The following SCAF4 variants were observed in gnomAD, a reference collection of about 807,000 sequenced individuals.
The protein encoded by SCAF4 is SR-related CTD associated factor 4, also known as SR-related and CTD-associated factor 4.
A neutral mutation model predicts 129.8 loss-of-function variants in SCAF4; 25 were observed. That is an observed-to-expected ratio of 0.19 (90% confidence interval 0.14 to 0.27). SCAF4 has a LOEUF of 0.27. SCAF4 is among the 10% of genes least tolerant of loss of function. SCAF4 has a pLI of 1.00. For synonymous variants in SCAF4, 551 were observed against 497.7 expected, an observed-to-expected ratio of 1.11 and a Z score of -1.43; for missense variants, 1,246 against 1,457.1, an observed-to-expected ratio of 0.86 and a Z score of 2.36.
intron 19 of SCAF4, chr21:31,684,635 T>C (rs2123496325): frequency 6.1e-6 from 1 of 163,338 alleles, no homozygotes; most frequent in East Asian, 1.8e-4. Flanking sequence ...AGATAATAAT[T>C]GGTCCAGACA....
chr21:31,685,834 C>A, intron 16 of SCAF4, 101 bp from the exon 17 acceptor site: 1 of 1,184,346 alleles, frequency 8.4e-7, no homozygotes, highest in Non-Finnish European at 1.2e-6. Context: ...ATAGATGTTT[C>A]TTAATTTGTG....
chr21:31,727,498 T>C (rs1032226613), intron 1 of SCAF4, among the ~76,000 whole-genome samples: 5 of 152,064 alleles, frequency 3.3e-5, no homozygotes, highest in African/African-American at 7.2e-5. Flanking sequence ...ATCAATGGGT[T>C]AAAAAACACA....
intron 19 of SCAF4, chr21:31,684,071 T>C (rs891770032): frequency 1.3e-5 from 2 of 153,590 alleles, no homozygotes; most frequent in Non-Finnish European, 2.9e-5. Context: ...CTGAATAGCA[T>C]AGGTGAAAAG....
chr21:31,731,600 G>T (rs1568874859), intron 1 of SCAF4, 63 bp downstream of exon 1: 5 of 1,556,208 alleles, frequency 3.2e-6, no homozygotes, highest in Non-Finnish European at 3.5e-6. Context: ...CTCCGGCGGC[G>T]GGAGAAACGA....
intron 1 of SCAF4, among the ~76,000 whole-genome samples, chr21:31,711,291 A>T (rs1175614882): frequency 6.6e-6 from 1 of 152,224 alleles, no homozygotes; most frequent in Non-Finnish European, 1.5e-5. Context: ...TATTTTATTG[A>T]CTTATTTAAT....
chr21:31,728,896 T>G (rs922754296), intron 1 of SCAF4, among the ~76,000 whole-genome samples: 2 of 152,196 alleles, frequency 1.3e-5, no homozygotes, highest in African/African-American at 4.8e-5. Context: ...TGATGACTTG[T>G]GATAAGGGTA....
chr21:31,713,626 G>A (rs2050856315), intron 1 of SCAF4, among the ~76,000 whole-genome samples: 1 of 151,384 alleles, frequency 6.6e-6, no homozygotes, highest in Non-Finnish European at 1.5e-5. Flanking sequence ...ACAGCCCAGG[G>A]AAAAATTATT....
Position 31,671,683 on chromosome 21 carries a change from T to C in SCAF4, c.3160A>G (p.Ser1054Gly), listed in dbSNP as rs757252416. 1 of 1,613,932 alleles carries C rather than the reference T, an allele frequency of 6.2e-7. No homozygotes were observed. The highest frequency in any genetic ancestry group is 2.2e-5 in the East Asian group (1 of 44,874). The change falls in exon 20 of 20, where the codon AGT (serine) becomes GGT (glycine). Residue 1054 changes from serine to glycine, a missense_variant. Transcript: ENST00000286835. ...TCTCTCTCTCTGTCTCGATGCCCAC[T>C]AGAGCGTCTATTTCTCTCTTCCAAG... is the stretch of plus-strand genomic sequence containing the variant. ...RDLEERNRRS[S>G]GHRDRERDSR... is the part of the protein sequence containing the mutation.
rs2050237991 is a variant in SCAF4, at chr21:31,690,661, ATGGAGATAC to A, written c.1885+127_1885+135del. On this transcript the variant is annotated intron_variant, in intron 15 of 19. Transcript: ENST00000286835. Reference sequence around the variant, plus strand: ...TTCACTATTTAACCCTCAGTTTATAATGGAGATACTGACACAGGAGGGATCCTAAAAAAT... The same window carrying A: ...TTCACTATTTAACCCTCAGTTTATAATGACACAGGAGGGATCCTAAAAAAT... 5 of 681,722 alleles carry A rather than the reference ATGGAGATAC, an allele frequency of 7.3e-6. No individual in the cohort carries two copies. The East Asian group carries it at 1.3e-4, about 18-fold the overall frequency. The allele number at this position is 681,722 out of a possible 1,614,324, so 42.2% of individuals were successfully genotyped here.
At chr21:31,714,109 T>G (rs1281801102) in intron 1 of SCAF4, among the ~76,000 whole-genome samples, 1 of 152,022 alleles carries the variant, frequency 6.6e-6, no homozygotes, top group Non-Finnish European at 1.5e-5. Context: ...ATGTCCTCAT[T>G]TGTAAAAAGG....
intron 1 of SCAF4, among the ~76,000 whole-genome samples, chr21:31,722,811 G>C (rs888947329): frequency 3.3e-5 from 5 of 152,046 alleles, no homozygotes; most frequent in Non-Finnish European, 5.9e-5. Flanking sequence ...AAATTAGCCG[G>C]GTGTGGTGGC....
chr21:31,692,326 T>TA (rs2050278523), intron 13 of SCAF4, 23 bp downstream of exon 13: 3 of 1,568,360 alleles, frequency 1.9e-6, no homozygotes, highest in Non-Finnish European at 2.6e-6. Context: ...CCATCGTACT[T>TA]AAAAAACTGA....
intron 19 of SCAF4, among the ~76,000 whole-genome samples, chr21:31,673,442 C>T (rs1262703299): frequency 7.6e-6 from 1 of 132,148 alleles, no homozygotes; most frequent in African/African-American, 3.2e-5. Context: ...AAGAAAAATA[C>T]TTGGGTGACA....
intron 1 of SCAF4, among the ~76,000 whole-genome samples, chr21:31,715,361 C>G (rs1332692237): frequency 6.6e-6 from 1 of 152,088 alleles, no homozygotes; most frequent in Non-Finnish European, 1.5e-5. Context: ...ATTAACCCGT[C>G]TCAACATTCT....
At chr21:31,673,658 G>A (rs189132951) in intron 19 of SCAF4, among the ~76,000 whole-genome samples, 11 of 152,316 alleles carry the variant, frequency 7.2e-5, no homozygotes, top group Admixed American at 5.9e-4. Flanking sequence ...AATATTTACC[G>A]AGTATATACC....
chr21:31,707,279 G>A (rs1023514247), intron 1 of SCAF4, among the ~76,000 whole-genome samples: 1 of 152,188 alleles, frequency 6.6e-6, no homozygotes, highest in Non-Finnish European at 1.5e-5. Context: ...CTTGAACCCA[G>A]GAGGTGGAGG....
At chr21:31,727,637 C>T (rs958364709) in intron 1 of SCAF4, among the ~76,000 whole-genome samples, 3 of 151,942 alleles carry the variant, frequency 2.0e-5, no homozygotes, top group Admixed American at 6.6e-5. Flanking sequence ...ACTAAAAATA[C>T]AAAAATTAGC....
intron 1 of SCAF4, among the ~76,000 whole-genome samples, chr21:31,717,840 T>TAC (rs538783172): frequency 0.018 from 1,506 of 82,612 alleles, 21 homozygotes; most frequent in South Asian, 0.062. Flanking sequence ...TATATATATA[T>TAC]ATACACACAC....
At chr21:31,689,489 T>C (rs1305940292) in intron 15 of SCAF4, among the ~76,000 whole-genome samples, 1 of 150,010 alleles carries the variant, frequency 6.7e-6, no homozygotes, top group Non-Finnish European at 1.5e-5. Flanking sequence ...TTTGTATTTT[T>C]AGTAAAGATG....
Sources: gnomAD v4.1 joint callset for allele counts (sites outside exome capture counted in the v4.1 genomes callset) on GRCh38, gnomAD v4.1.1 for gene constraint, MANE v1.5 for transcripts, NCBI Gene and HGNC (gene_info 2026-07-23, HGNC 2026-07-21) for gene names.